PAPPA: variants seen among roughly 807,000 people sequenced by gnomAD.
PAPPA encodes pappalysin 1, also known as pappalysin-1.
Under a neutral mutation model 164.0 loss-of-function variants are expected in PAPPA, and 60 were observed. The observed-to-expected ratio is 0.37, with a 90% CI of 0.30 to 0.45. The LOEUF (loss-of-function observed/expected upper bound fraction) is 0.45, where lower values mean the gene tolerates loss of function less well. PAPPA is among the 20% of genes least tolerant of loss of function. The pLI, the probability that PAPPA is intolerant of heterozygous loss-of-function variation, is 1.00. For missense variants in PAPPA, 1,782 were observed against 2,087.3 expected, an observed-to-expected ratio of 0.85 and a Z score of 2.85; for synonymous variants, 875 against 814.1, an observed-to-expected ratio of 1.07 and a Z score of -1.27.
intron 6 of PAPPA, among the ~76,000 whole-genome samples, chr9:116,232,773 C>G (rs1844614680): frequency 6.6e-6 from 1 of 152,176 alleles, no homozygotes. Context: ...GGGTTTGTCT[C>G]TAATAACCAG....
At chr9:116,300,770 A>G (rs1845570957) in intron 9 of PAPPA, among the ~76,000 whole-genome samples, 2 of 152,250 alleles carry the variant, frequency 1.3e-5, no homozygotes, top group South Asian at 4.1e-4. Context: ...AAGTTGCTTG[A>G]ATGTGTTTCA....
chr9:116,271,250 G>A lies in PAPPA; in HGVS notation c.2862-75G>A. 1 of 976,196 alleles carries A rather than the reference G, an allele frequency of 1.0e-6. No individual in the cohort carries two copies. The highest frequency in any genetic ancestry group is 1.7e-6 in the Non-Finnish European group (1 of 601,352). The allele number at this position is 976,196 out of a possible 1,614,324, so 60.5% of individuals were successfully genotyped here. ...GGTCTCACTGAAGGTTCATGGCCCAGGGAGGGACTTTTCCATGTCCAGCCA... is the reference window on the plus strand; with the variant it reads ...GGTCTCACTGAAGGTTCATGGCCCAAGGAGGGACTTTTCCATGTCCAGCCA... On this transcript the variant is annotated intron_variant, in intron 8 of 21. Transcript: ENST00000328252. The surrounding 1 kb of genome is among the most constrained non-coding windows in gnomAD (Gnocchi z 4.2).
chr9:116,321,273 C>T lies in PAPPA; in HGVS notation c.3148-9971C>T, dbSNP rs59070470. Among the ~76,000 whole-genome samples the T allele has an allele frequency of 8.2e-3, 1,251 of 152,102 alleles. 17 individuals are homozygous for T. Among genetic ancestry groups the T allele is most frequent in the African/African-American group, 0.029 (1,197 of 41,504 alleles). On this transcript the variant is annotated intron_variant, in intron 10 of 21. Transcript: ENST00000328252. ...CGATCTCCTGACCTCGTGATCCGCC[C>T]GCCTCAGCCTCCCAAAGTGCTGGGA...
At chr9:116,219,879 C>A in intron 4 of PAPPA, 58 bp from the exon 5 acceptor site, 2 of 1,448,040 alleles carry the variant, frequency 1.4e-6, no homozygotes, top group Non-Finnish European at 1.9e-6. Context: ...TCATTACTCT[C>A]TCATATGCCT....
chr9:116,303,040 T>C, intron 10 of PAPPA, 90 bp downstream of exon 10: 1 of 1,033,468 alleles, frequency 9.7e-7, no homozygotes, highest in Non-Finnish European at 1.5e-6. Context: ...GGCAGTGTCA[T>C]TGGCTATAGC....
chr9:116,203,991 C>A (rs1269663437), intron 2 of PAPPA, among the ~76,000 whole-genome samples: 1 of 152,170 alleles, frequency 6.6e-6, no homozygotes, highest in Non-Finnish European at 1.5e-5. Context: ...GAGGAAGAGA[C>A]ACTGAAAGCT....
chr9:116,210,776 G>T (rs1423178000), intron 3 of PAPPA, among the ~76,000 whole-genome samples: 1 of 152,106 alleles, frequency 6.6e-6, no homozygotes, highest in African/African-American at 2.4e-5. Context: ...AATACAGATT[G>T]TGCTTCTGTA....
chr9:116,322,390 A>T (rs1845868425), intron 10 of PAPPA, among the ~76,000 whole-genome samples: 2 of 148,202 alleles, frequency 1.3e-5, no homozygotes, highest in Non-Finnish European at 3.0e-5. Context: ...AGCCTGGGGT[A>T]CAATAGGAAG....
chr9:116,264,982 C>T lies in PAPPA; in HGVS notation c.2733-875C>T, dbSNP rs916622156. ...AGGTCTTTAGGTCAGAGGAGAGATG[C>T]AGTCTAGGCAAGTTGGAAATCTGGC... On this transcript the variant is annotated intron_variant, in intron 7 of 21. Transcript: ENST00000328252. Among the ~76,000 whole-genome samples the T allele has an allele frequency of 3.9e-5, 6 of 152,058 alleles. No homozygotes were observed. In the East Asian group the frequency reaches 5.8e-4, roughly 15 times the overall value.
intron 15 of PAPPA, among the ~76,000 whole-genome samples, chr9:116,352,201 T>C (rs1846291278): frequency 6.6e-6 from 1 of 151,972 alleles, no homozygotes; most frequent in Admixed American, 6.5e-5. Flanking sequence ...CTTCCAGGCA[T>C]TGGTGGTGGG....
Position 116,377,693 on chromosome 9 carries a change from G to A in PAPPA, c.4677+46G>A, listed in dbSNP as rs117038283. ...TCCTCAGTTCCCTGGAAATAATCCT[G>A]CTGTTGTTATTGTTATTGTTATATT... On this transcript the variant is annotated intron_variant, in intron 20 of 21. Coordinates refer to ENST00000328252, the MANE Select transcript of PAPPA (RefSeq NM_002581.5). The A allele has an allele frequency of 9.9e-3, 13,531 of 1,362,170 alleles. 103 individuals carry two copies. Among genetic ancestry groups the A allele is most frequent in the Middle Eastern group, 0.015 (85 of 5,586 alleles). 84.4% of individuals were successfully genotyped at this position (1,362,170 alleles called of 1,614,324 possible).
chr9:116,311,195 C>A (rs1396728528), intron 10 of PAPPA, among the ~76,000 whole-genome samples: 2 of 151,664 alleles, frequency 1.3e-5, no homozygotes, highest in African/African-American at 4.8e-5. Flanking sequence ...CTGAACCTCT[C>A]AATCCCATCC....
chr9:116,187,746 G>GCCT lies in PAPPA; in HGVS notation c.1008_1009insCCT (p.Glu336_Val337insPro). On this transcript the variant is annotated inframe_insertion, in exon 2 of 22. Coordinates refer to ENST00000328252, the MANE Select transcript of PAPPA (RefSeq NM_002581.5). This position sits in a 1 kb window ranked among gnomAD's most constrained non-coding sequence, Gnocchi z 4.2. Reference sequence around the variant, plus strand: ...GACAGACATTGTGTGACAACACAGAGGTCATTGCCAGCTACAATCAGCTCT... The same window carrying GCCT: ...GACAGACATTGTGTGACAACACAGAGCCTGTCATTGCCAGCTACAATCAGCTCT... 6.2e-7 allele frequency: 1 copy of GCCT among 1,614,270 alleles called. No homozygotes were observed. The highest frequency in any genetic ancestry group is 8.5e-7 in the Non-Finnish European group (1 of 1,180,054).
At chr9:116,182,727 A>G (rs1843921742) in intron 1 of PAPPA, among the ~76,000 whole-genome samples, 1 of 152,182 alleles carries the variant, frequency 6.6e-6, no homozygotes, top group Non-Finnish European at 1.5e-5. Context: ...AATGAAAAAA[A>G]TAGACATCAA....
chr9:116,261,064 G>T (rs1844995188), intron 7 of PAPPA, among the ~76,000 whole-genome samples: 1 of 152,190 alleles, frequency 6.6e-6, no homozygotes, highest in Admixed American at 6.5e-5. Context: ...CTATCGGCAA[G>T]TAGCTTAATC....
At chr9:116,292,783 CT>C (rs1262166965) in intron 9 of PAPPA, among the ~76,000 whole-genome samples, 1 of 152,030 alleles carries the variant, frequency 6.6e-6, no homozygotes, top group Non-Finnish European at 1.5e-5. Context: ...TATTTAGAAA[CT>C]GAGACAGGAT....
At chr9:116,255,783 T>A (rs1188783325) in intron 7 of PAPPA, among the ~76,000 whole-genome samples, 1 of 151,984 alleles carries the variant, frequency 6.6e-6, no homozygotes, top group Non-Finnish European at 1.5e-5. Flanking sequence ...AAAATCTACA[T>A]GTTTGGTGAA....
intron 3 of PAPPA, among the ~76,000 whole-genome samples, chr9:116,209,014 G>A (rs1844273170): frequency 1.3e-5 from 2 of 152,166 alleles, no homozygotes; most frequent in Non-Finnish European, 2.9e-5. Context: ...GTAGAAGCCA[G>A]TGATGCTGCT....
At chr9:116,265,693 A>T (rs566552420) in intron 7 of PAPPA, among the ~76,000 whole-genome samples, 164 bp from the exon 8 acceptor site, 2 of 152,350 alleles carry the variant, frequency 1.3e-5, no homozygotes, top group Admixed American at 6.5e-5. Context: ...TAGCTAACTG[A>T]TGTAGCCATA....
Sources: gnomAD v4.1 joint callset for allele counts (sites outside exome capture counted in the v4.1 genomes callset) on GRCh38, gnomAD v4.1.1 for gene constraint, Gnocchi (gnomAD v3.1) non-coding constraint, MANE v1.5 for transcripts, NCBI Gene and HGNC (gene_info 2026-07-23, HGNC 2026-07-21) for gene names.